Variants in NTN1 observed in about 807,000 individuals in gnomAD.
NTN1 encodes netrin-1.
NTN1 carries 11 observed loss-of-function variants against 54.2 expected under a neutral mutation model. The ratio of observed to expected loss-of-function variants is 0.20; its 90% confidence interval spans 0.13 to 0.34. NTN1 has a LOEUF of 0.34. NTN1 is among the 10% of genes least tolerant of loss of function. The probability of loss-of-function intolerance (pLI) is 1.00; values close to 1 mark genes in which losing one functional copy is unlikely to be tolerated. For synonymous variants in NTN1, 371 were observed against 382.0 expected (o/e 0.97, Z 0.33); for missense variants, 740 against 893.1 (o/e 0.83, Z 2.18).
At chr17:9,012,179 C>T in the NTN1 span, among the ~76,000 whole-genome samples, 1 of 152,076 alleles carries the variant, frequency 6.6e-6, no homozygotes, top group South Asian at 2.1e-4. Flanking sequence ...CTCAGCCTCC[C>T]CTCTGAGCTC....
chr17:9,107,750 C>T (rs751424181), intron 2 of NTN1, among the ~76,000 whole-genome samples: 31 of 152,244 alleles, frequency 2.0e-4, no homozygotes, highest in Non-Finnish European at 4.0e-4. Context: ...TGTTTAAGTA[C>T]TGTTATAGCT....
intron 2 of NTN1, among the ~76,000 whole-genome samples, chr17:9,094,894 C>T (rs1455231371): frequency 6.7e-6 from 1 of 148,610 alleles, no homozygotes; most frequent in Non-Finnish European, 1.5e-5. Context: ...GAGGCTGAGG[C>T]AGGAGAATCG....
chr17:9,162,922 C>T lies in NTN1; in HGVS notation c.1128C>T (p.Ala376=), dbSNP rs112161714. The T allele has an allele frequency of 1.3e-5, 21 of 1,612,122 alleles. No homozygotes were observed. Among genetic ancestry groups the T allele is most frequent in the South Asian group, 9.9e-5 (9 of 90,946 alleles). Residue 376 remains alanine, a synonymous_variant, in exon 3 of 7, where the codon GCC becomes GCT. Coordinates refer to ENST00000173229, the MANE Select transcript of NTN1 (RefSeq NM_004822.3). ...GCCTCAACTGTCGCCACAACACCGC[C>T]GGCCGCCACTGCCATTACTGCAAGG... is the stretch of plus-strand genomic sequence containing the variant. ...GVCLNCRHNT[A]GRHCHYCKEG...
At chr17:9,152,200 C>T (rs1369154700) in intron 2 of NTN1, among the ~76,000 whole-genome samples, 2 of 152,194 alleles carry the variant, frequency 1.3e-5, no homozygotes, top group Non-Finnish European at 2.9e-5. Context: ...CCAAGGTCCA[C>T]GGCTTCATTC....
intron 2 of NTN1, among the ~76,000 whole-genome samples, chr17:9,128,111 C>A (rs569335516): frequency 6.7e-6 from 1 of 149,576 alleles, no homozygotes; most frequent in African/African-American, 2.5e-5. Context: ...AGCAAGACTC[C>A]GTCTCGAAAA....
At chr17:9,181,941 G>A (rs1248337260) in intron 4 of NTN1, among the ~76,000 whole-genome samples, 1 of 152,162 alleles carries the variant, frequency 6.6e-6, no homozygotes, top group Non-Finnish European at 1.5e-5. Flanking sequence ...GGTGGGGTCT[G>A]GGAAGTAGTA....
chr17:9,200,890 AC>A (rs2142336335), intron 5 of NTN1, among the ~76,000 whole-genome samples: 1 of 152,178 alleles, frequency 6.6e-6, no homozygotes, highest in African/African-American at 2.4e-5. Flanking sequence ...TACCAACATA[AC>A]CTTTGGTGGG....
At chr17:9,179,714 G>A (rs1412104840) in intron 3 of NTN1, 93 bp from the exon 4 acceptor site, 1 of 1,458,148 alleles carries the variant, frequency 6.9e-7, no homozygotes, top group East Asian at 2.3e-5. Context: ...CCAGGGCAGG[G>A]TCCATGGAGG....
chr17:9,066,720 C>T, intron 2 of NTN1, among the ~76,000 whole-genome samples: 1 of 152,078 alleles, frequency 6.6e-6, no homozygotes, highest in African/African-American at 2.4e-5. Flanking sequence ...CACGTTGTGG[C>T]CAGTTGCAGT....
At chr17:9,073,767 G>C (rs1379542844) in intron 2 of NTN1, among the ~76,000 whole-genome samples, 1 of 152,212 alleles carries the variant, frequency 6.6e-6, no homozygotes, top group East Asian at 1.9e-4. Context: ...GGAGATCCAT[G>C]GTCCCACTTG....
At chr17:9,069,140 G>A (rs2092024953) in intron 2 of NTN1, among the ~76,000 whole-genome samples, 2 of 152,026 alleles carry the variant, frequency 1.3e-5, no homozygotes, top group Admixed American at 6.6e-5. Context: ...CAGGAGCACT[G>A]TATTGATGAA....
intron 2 of NTN1, among the ~76,000 whole-genome samples, chr17:9,106,553 A>AC (rs939156491): frequency 4.8e-5 from 7 of 146,558 alleles, no homozygotes; most frequent in African/African-American, 1.8e-4. Context: ...TCGCTCTGTC[A>AC]CCCAGGCTGG....
Position 9,166,363 on chromosome 17 carries a change from A to G in NTN1, c.1207+3362A>G, listed in dbSNP as rs1200012030. ...GGCTTTTTTTTTTTTTTTTTTTGAGATGGAGTCTCACTCTGTTGTCCAGGC... is the reference window on the plus strand; with the variant it reads ...GGCTTTTTTTTTTTTTTTTTTTGAGGTGGAGTCTCACTCTGTTGTCCAGGC... On this transcript the variant is annotated intron_variant, in intron 3 of 6. Transcript: ENST00000173229. 6.0e-5 allele frequency among the ~76,000 whole-genome samples: 6 copies of G among 99,842 alleles called. No homozygotes were observed. The East Asian group carries it at 1.7e-3, about 28-fold the overall frequency. 65.5% of individuals were successfully genotyped at this position (99,842 alleles called of 152,430 possible). A position where few individuals can be genotyped will look rare whatever the true frequency, so the allele number is the denominator to read the frequency against.
intron 2 of NTN1, among the ~76,000 whole-genome samples, chr17:9,023,660 A>G (rs117633564): frequency 0.01 from 1,598 of 152,382 alleles, 11 homozygotes; most frequent in Admixed American, 0.017. Flanking sequence ...GAACATTTGC[A>G]GATAGGTCTC....
At position 9,243,636 on chromosome 17, in the gene NTN1, A is replaced by G. The variant is rs948991463; in HGVS notation, c.*3668A>G. On this transcript the variant is annotated 3_prime_UTR_variant, in exon 7 of 7. Transcript: ENST00000173229. Reference sequence around the variant, plus strand: ...GGGTCTCGCCCCTTGCCAAAAGCCAAACCAGTCCCACTCCTGTCATTGGAC... The same window carrying G: ...GGGTCTCGCCCCTTGCCAAAAGCCAGACCAGTCCCACTCCTGTCATTGGAC... The G allele has an allele frequency of 6.6e-6, 1 of 152,074 alleles. No individual in the cohort carries two copies. The highest frequency in any genetic ancestry group is 2.4e-5 in the African/African-American group (1 of 41,392). 9.4% of individuals were successfully genotyped at this position (152,074 alleles called of 1,614,324 possible).
chr17:9,183,224 GA>G (rs2092424196), intron 5 of NTN1: 1 of 680,670 alleles, frequency 1.5e-6, no homozygotes, highest in African/African-American at 1.8e-5. Flanking sequence ...CCTAAAAACT[GA>G]GCTCCTTCTA....
At chr17:9,169,034 A>G (rs2092380261) in intron 3 of NTN1, among the ~76,000 whole-genome samples, 1 of 152,230 alleles carries the variant, frequency 6.6e-6, no homozygotes. Flanking sequence ...CCAGTGGAAG[A>G]GTTTCACTCC....
chr17:9,182,971 T>C lies in NTN1; in HGVS notation c.1411+2T>C. On this transcript the variant is annotated splice_donor_variant, in intron 5 of 6. Transcript: ENST00000173229. LOFTEE classifies it high-confidence loss of function. ...CCAGCAGCGTGGAGGAGCCTGAAGGTAAACGGCCCCCTTCGCTTCTCATTT... is the reference window on the plus strand; with the variant it reads ...CCAGCAGCGTGGAGGAGCCTGAAGGCAAACGGCCCCCTTCGCTTCTCATTT... 6.2e-7 allele frequency: 1 copy of C among 1,611,768 alleles called. No homozygotes were observed. The highest frequency in any genetic ancestry group is 8.5e-7 in the Non-Finnish European group (1 of 1,178,866).
At position 9,198,886 on chromosome 17, in the gene NTN1, C is replaced by T. The variant is rs72811985; in HGVS notation, c.1411+15917C>T. ...ACAAAGGACTAACCGCTTTCACCTA[C>T]GAGGGAGGCCATATGTGTGGGAGGC... On this transcript the variant is annotated intron_variant, in intron 5 of 6. Coordinates refer to ENST00000173229, the MANE Select transcript of NTN1 (RefSeq NM_004822.3). Among the ~76,000 whole-genome samples, 431 of 152,288 alleles carry T rather than the reference C, an allele frequency of 2.8e-3. 1 individual carries two copies. Among genetic ancestry groups the T allele is most frequent in the Non-Finnish European group, 3.5e-3 (239 of 68,028 alleles).
Sources: gnomAD v4.1 joint callset for allele counts (sites outside exome capture counted in the v4.1 genomes callset) on GRCh38, gnomAD v4.1.1 for gene constraint, MANE v1.5 for transcripts, NCBI Gene and HGNC (gene_info 2026-07-23, HGNC 2026-07-21) for gene names.